Variants in NAA50 observed in about 807,000 individuals in gnomAD.
The protein encoded by NAA50 is N-alpha-acetyltransferase 50, NatE catalytic subunit.
Under a neutral mutation model 20.7 loss-of-function variants are expected in NAA50, and 7 were observed. The ratio of observed to expected loss-of-function variants is 0.34; its 90% confidence interval spans 0.19 to 0.63. The LOEUF (loss-of-function observed/expected upper bound fraction) is 0.63, where lower values mean the gene tolerates loss of function less well. NAA50 is among the 30% of genes least tolerant of loss of function. NAA50 has a pLI of 0.75. For missense variants in NAA50, 111 were observed against 199.1 expected (o/e 0.56, Z 2.66); for synonymous variants, 54 against 70.6 (o/e 0.77, Z 1.18).
intron 1 of NAA50, among the ~76,000 whole-genome samples, chr3:113,745,581 C>T (rs1379341156): frequency 6.6e-6 from 1 of 152,210 alleles, no homozygotes; most frequent in South Asian, 2.1e-4. Context: ...AACCACTCCA[C>T]CTGGAGCTGC....
chr3:113,721,687 G>GT lies in NAA50; in HGVS notation c.*72dup. On this transcript the variant is annotated 3_prime_UTR_variant, in exon 5 of 5. Transcript: ENST00000240922. ...AAAGCTTTAAAAGAAAAGTGTTGGG[G>GT]TGGGGGAGGAATCAATGGGCCTCTC... 6.7e-7 allele frequency: 1 copy of GT among 1,487,710 alleles called. No homozygotes were observed. The highest frequency in any genetic ancestry group is 9.3e-7 in the Non-Finnish European group (1 of 1,070,870). The allele number at this position is 1,487,710 out of a possible 1,614,324, so 92.2% of individuals were successfully genotyped here.
At chr3:113,739,648 CA>C (rs943195883) in intron 1 of NAA50, 11 of 152,322 alleles carry the variant, frequency 7.2e-5, no homozygotes, top group African/African-American at 2.4e-4. Context: ...CCTTTCACAG[CA>C]GACCAAGTGA....
chr3:113,745,962 C>A lies in NAA50; in HGVS notation c.-13G>T, dbSNP rs1276215433. The A allele has an allele frequency of 6.2e-7, 1 of 1,605,896 alleles. No homozygotes were observed. The highest frequency in any genetic ancestry group is 8.5e-7 in the Non-Finnish European group (1 of 1,179,380). ...CTCACCCTTTCATCTTCCCCGCCTGCTGAGGCCGTCGTTACCACCGATATC... is the reference window on the plus strand; with the variant it reads ...CTCACCCTTTCATCTTCCCCGCCTGATGAGGCCGTCGTTACCACCGATATC... On this transcript the variant is annotated 5_prime_UTR_variant, in exon 1 of 5. Coordinates refer to ENST00000240922, the MANE Select transcript of NAA50 (RefSeq NM_025146.4).
At chr3:113,731,946 G>A (rs768125721) in intron 1 of NAA50, among the ~76,000 whole-genome samples, 1 of 152,152 alleles carries the variant, frequency 6.6e-6, no homozygotes, top group African/African-American at 2.4e-5. Flanking sequence ...TCTGCGTGTG[G>A]ACATACGCCT....
intron 1 of NAA50, among the ~76,000 whole-genome samples, chr3:113,736,869 G>A (rs1231870411): frequency 6.6e-6 from 1 of 152,146 alleles, no homozygotes; most frequent in African/African-American, 2.4e-5. Flanking sequence ...TGAAAATGAA[G>A]TATAGAGAAA....
chr3:113,724,160 A>G (rs929000150), intron 1 of NAA50, 65 bp from the exon 2 acceptor site: 3 of 1,367,530 alleles, frequency 2.2e-6, no homozygotes, highest in Non-Finnish European at 2.9e-6. Flanking sequence ...TGAACATATG[A>G]AAGGGGTACC....
At chr3:113,745,374 GCT>G (rs1212686627) in intron 1 of NAA50, among the ~76,000 whole-genome samples, 5 of 152,066 alleles carry the variant, frequency 3.3e-5, no homozygotes, top group African/African-American at 4.8e-5. Context: ...CAGTGATCGC[GCT>G]CTCTCCCCCT....
rs756695255 is a variant in NAA50 at position 113,718,890 on chromosome 3, G to C, written c.*2870C>G. The C allele has an allele frequency of 1.3e-5, 2 of 152,574 alleles. No homozygotes were observed. Among genetic ancestry groups the C allele is most frequent in the African/African-American group, 2.4e-5 (1 of 41,432 alleles). 9.5% of individuals were successfully genotyped at this position (152,574 alleles called of 1,614,324 possible). A position where few individuals can be genotyped will look rare whatever the true frequency, so the allele number is the denominator to read the frequency against. On this transcript the variant is annotated 3_prime_UTR_variant, in exon 5 of 5. Coordinates refer to ENST00000240922, the MANE Select transcript of NAA50 (RefSeq NM_025146.4). ...TTAAAATTAGATCTTAAATGTGAAAGTAAATAAAAGCAGTAAGGGAAACAC... is the reference window on the plus strand; with the variant it reads ...TTAAAATTAGATCTTAAATGTGAAACTAAATAAAAGCAGTAAGGGAAACAC...
chr3:113,744,698 G>A (rs1708465585), intron 1 of NAA50, among the ~76,000 whole-genome samples: 1 of 152,092 alleles, frequency 6.6e-6, no homozygotes, highest in South Asian at 2.1e-4. Context: ...AAACTTTAAA[G>A]ATTATTAGTA....
intron 1 of NAA50, chr3:113,740,985 A>G (rs1433089977): frequency 7.4e-5 from 38 of 513,952 alleles, no homozygotes; most frequent in Non-Finnish European, 1.1e-4. Flanking sequence ...AAACTGAGAC[A>G]CTGTATCTCC....
intron 1 of NAA50, among the ~76,000 whole-genome samples, chr3:113,743,356 T>G (rs542853591): frequency 8.9e-4 from 135 of 152,304 alleles, no homozygotes; most frequent in Non-Finnish European, 1.8e-3. Flanking sequence ...AATAGAATAC[T>G]TAGCAAATAA....
rs1242124352 is a variant in NAA50 at position 113,722,990 on chromosome 3, AAC to A, written c.266-20_266-19del. ...TTTAGTTCCTGTTAATAAAATAAAT[AAC>A]AAACACGTGACTTCATAAATCAACC... On this transcript the variant is annotated intron_variant, in intron 3 of 4. Transcript: ENST00000240922. The A allele has an allele frequency of 1.3e-6, 2 of 1,510,946 alleles. No individual in the cohort carries two copies. The allele number at this position is 1,510,946 out of a possible 1,614,324, so 93.6% of individuals were successfully genotyped here.
intron 1 of NAA50, chr3:113,741,058 C>A: frequency 2.0e-6 from 1 of 496,310 alleles, no homozygotes; most frequent in South Asian, 1.7e-5. Flanking sequence ...AGAATCTGAA[C>A]TGAACAAGCT....
chr3:113,740,524 A>C (rs533481165), intron 1 of NAA50, among the ~76,000 whole-genome samples: 2 of 151,682 alleles, frequency 1.3e-5, no homozygotes, highest in Non-Finnish European at 2.9e-5. Flanking sequence ...ACACCACCAT[A>C]CCCCAGCTAA....
Position 113,746,192 on chromosome 3 carries a change from T to TCTCGGCTCC in NAA50, c.-252_-244dup. The stretch of plus-strand genomic sequence containing the variant: ...GCTTCTCCACACGTGCACTCGGGTC[T>TCTCGGCTCC]CTCGGCTCCCTCCCGCCGCTGCCGC... On this transcript the variant is annotated 5_prime_UTR_variant, in exon 1 of 5. Coordinates refer to ENST00000240922, the MANE Select transcript of NAA50 (RefSeq NM_025146.4). 1 of 508,292 alleles carries TCTCGGCTCC rather than the reference T, an allele frequency of 2.0e-6. No individual in the cohort carries two copies. The highest frequency in any genetic ancestry group is 3.4e-6 in the Non-Finnish European group (1 of 290,242). The allele number at this position is 508,292 out of a possible 1,614,324, so 31.5% of individuals were successfully genotyped here.
Position 113,745,928 on chromosome 3 carries a change from C to A in NAA50, c.8+14G>T. On this transcript the variant is annotated intron_variant, in intron 1 of 4. Transcript: ENST00000240922. ...ACCCCACCGGCCGGGCCCTGCCCGG[C>A]TGCCCTTCCTCACCCTTTCATCTTC... The A allele has an allele frequency of 6.2e-7, 1 of 1,604,990 alleles. No homozygotes were observed. The highest frequency in any genetic ancestry group is 8.5e-7 in the Non-Finnish European group (1 of 1,179,098).
At chr3:113,726,738 C>T (rs541553431) in intron 1 of NAA50, among the ~76,000 whole-genome samples, 25 of 148,068 alleles carry the variant, frequency 1.7e-4, no homozygotes, top group Admixed American at 4.7e-4. Flanking sequence ...AGCAAGACTC[C>T]GCCTCAAAAA....
Position 113,723,541 on chromosome 3 carries a change from GCTGC to G in NAA50, c.146-4_146-1del, listed in dbSNP as rs1708161811. On this transcript the variant is annotated splice_acceptor_variant and splice_polypyrimidine_tract_variant and intron_variant, in intron 2 of 4. Transcript: ENST00000240922. LOFTEE classifies it high-confidence loss of function. ...ACCTACAGCAATATCATTGAAATAG[GCTGC>G]CAAGGAAAACATAAAGATATAATGT... 6.3e-7 allele frequency: 1 copy of G among 1,596,356 alleles called. No homozygotes were observed. The highest frequency in any genetic ancestry group is 1.4e-5 in the African/African-American group (1 of 74,050).
intron 1 of NAA50, among the ~76,000 whole-genome samples, chr3:113,732,582 C>G (rs1708284890): frequency 6.6e-6 from 1 of 151,994 alleles, no homozygotes; most frequent in Non-Finnish European, 1.5e-5. Flanking sequence ...ACGCTTGGGG[C>G]AGCCTACCTC....
Sources: allele counts gnomAD v4.1 joint callset (sites outside exome capture counted in the v4.1 genomes callset), GRCh38; gene constraint gnomAD v4.1.1; transcripts MANE v1.5; gene names NCBI Gene and HGNC (gene_info 2026-07-23, HGNC 2026-07-21).